The following RIN2 variants were observed in gnomAD, a reference collection of about 807,000 sequenced individuals.
The protein encoded by RIN2 is RAB5 interacting protein 2.
RIN2 carries 36 observed loss-of-function variants against 78.0 expected under a neutral mutation model. The observed-to-expected ratio is 0.46, with a 90% CI of 0.35 to 0.61. The LOEUF (loss-of-function observed/expected upper bound fraction) is 0.61. Ranked by LOEUF, RIN2 falls within the 20% of genes least tolerant of loss-of-function variation. The probability of loss-of-function intolerance (pLI) is 0.00; values close to 1 mark genes in which losing one functional copy is unlikely to be tolerated. For synonymous variants in RIN2, 466 were observed against 466.8 expected (o/e 1.00, Z 0.02); for missense variants, 1,087 against 1,159.7 (o/e 0.94, Z 0.91).
intron 4 of RIN2, among the ~76,000 whole-genome samples, chr20:19,953,977 T>C (rs1366748107): frequency 3.3e-5 from 5 of 152,214 alleles, no homozygotes; most frequent in Non-Finnish European, 5.9e-5. Flanking sequence ...CTTTCACATA[T>C]TTGAGAAGAA....
rs770981291 is a variant in RIN2, at chr20:19,888,419, G to A, written c.-36-1147G>A. 5.3e-5 allele frequency among the ~76,000 whole-genome samples: 8 copies of A among 152,082 alleles called. No individual in the cohort carries two copies. The East Asian group carries it at 1.3e-3, about 26-fold the overall frequency. On this transcript the variant is annotated intron_variant, in intron 2 of 12. Transcript: ENST00000255006. ...ACTTGTTGAAACGTCCCTAAATATC[G>A]CCCTCAATGTCCTGTTTGTGTCGCT...
chr20:19,788,434 A>AAAAAAAAAAAAAAACAAAAC (rs1482992020), intron 1 of RIN2, among the ~76,000 whole-genome samples: 2 of 137,488 alleles, frequency 1.5e-5, no homozygotes, highest in African/African-American at 5.9e-5. Flanking sequence ...GTCTCTGCCA[A>AAAAAAAAAAAAAAACAAAAC]AAAAAAAAAA....
At chr20:19,921,270 G>A (rs2039906732) in intron 3 of RIN2, among the ~76,000 whole-genome samples, 1 of 152,210 alleles carries the variant, frequency 6.6e-6, no homozygotes, top group Admixed American at 6.5e-5. Context: ...GCTGCCTCCT[G>A]GATGTGCAAG....
At chr20:19,992,387 T>A in intron 11 of RIN2, 88 bp downstream of exon 11, 2 of 1,291,942 alleles carry the variant, frequency 1.5e-6, no homozygotes, top group Non-Finnish European at 2.1e-6. Context: ...CACATAACAT[T>A]AATCATTTTA....
chr20:19,930,649 T>G (rs1424194065), intron 3 of RIN2, among the ~76,000 whole-genome samples: 1 of 152,160 alleles, frequency 6.6e-6, no homozygotes, highest in East Asian at 1.9e-4. Context: ...TCACAAGGCC[T>G]TCTGCTTCTG....
chr20:19,946,430 C>T (rs995639758), intron 4 of RIN2, among the ~76,000 whole-genome samples: 73 of 152,138 alleles, frequency 4.8e-4, no homozygotes, highest in African/African-American at 1.7e-3. Flanking sequence ...GGATGATCTT[C>T]CCAGGCCGGC....
chr20:19,957,978 A>G (rs1423104038), intron 5 of RIN2, among the ~76,000 whole-genome samples: 8 of 152,262 alleles, frequency 5.3e-5, no homozygotes, highest in Non-Finnish European at 1.5e-5. Flanking sequence ...CACGCAACAC[A>G]AGATAGAAAC....
At chr20:19,956,257 CAAAAAAA>C (rs11483774) in intron 4 of RIN2, among the ~76,000 whole-genome samples, 1 of 50,746 alleles carries the variant, frequency 2.0e-5, no homozygotes, top group Non-Finnish European at 4.0e-5. Flanking sequence ...GACTCCATCT[CAAAAAAA>C]AAAAAAAAAA....
rs1277298342 is a variant in RIN2 at position 19,863,341 on chromosome 20, C to G, written c.-36-26225C>G. On this transcript the variant is annotated intron_variant, in intron 2 of 12. Coordinates refer to ENST00000255006, the MANE Select transcript of RIN2 (RefSeq NM_018993.4). ...ACATGAAACCATGTATGTGCCTCACCCTTCTGCCCTGGGCCTTATCATTGC... is the reference window on the plus strand; with the variant it reads ...ACATGAAACCATGTATGTGCCTCACGCTTCTGCCCTGGGCCTTATCATTGC... 4.6e-5 allele frequency among the ~76,000 whole-genome samples: 7 copies of G among 152,142 alleles called. No homozygotes were observed. The East Asian group carries it at 1.3e-3, about 29-fold the overall frequency.
chr20:19,825,253 G>T (rs146719587), intron 2 of RIN2, among the ~76,000 whole-genome samples: 8 of 152,262 alleles, frequency 5.3e-5, no homozygotes, highest in Non-Finnish European at 1.2e-4. Flanking sequence ...TCTGCCTCTA[G>T]GAAATCTGAT....
At chr20:19,869,444 T>C (rs116425997) in intron 2 of RIN2, among the ~76,000 whole-genome samples, 92 of 152,310 alleles carry the variant, frequency 6.0e-4, no homozygotes, top group African/African-American at 2.0e-3. Flanking sequence ...GGGTTAGCAC[T>C]GACCCCAGGG....
intron 9 of RIN2, among the ~76,000 whole-genome samples, chr20:19,988,676 T>C (rs1205503141): frequency 6.6e-6 from 1 of 152,206 alleles, no homozygotes; most frequent in Admixed American, 6.5e-5. Context: ...GCTACTCCAC[T>C]GGGAAACCAT....
intron 3 of RIN2, among the ~76,000 whole-genome samples, chr20:19,920,824 C>T (rs2039885454): frequency 6.6e-6 from 1 of 152,164 alleles, no homozygotes; most frequent in Non-Finnish European, 1.5e-5. Context: ...TACAGGTGTG[C>T]ACCATGTCCA....
intron 2 of RIN2, among the ~76,000 whole-genome samples, chr20:19,846,158 G>C (rs1386282238): frequency 6.6e-6 from 1 of 152,172 alleles, no homozygotes; most frequent in Non-Finnish European, 1.5e-5. Flanking sequence ...AAGTCAGGTA[G>C]TGTGATGCCT....
intron 10 of RIN2, among the ~76,000 whole-genome samples, chr20:19,990,997 C>A (rs2042782178): frequency 6.6e-6 from 1 of 152,196 alleles, no homozygotes; most frequent in South Asian, 2.1e-4. Context: ...GCAGGGGTAA[C>A]CATGAATCCT....
chr20:19,758,910 G>A lies in RIN2; in HGVS notation c.-163+583G>A, dbSNP rs375967457. Among the ~76,000 whole-genome samples the A allele has an allele frequency of 2.6e-5, 4 of 152,356 alleles. No homozygotes were observed. In the South Asian group the frequency reaches 8.3e-4, roughly 32 times the overall value. On this transcript the variant is annotated intron_variant, in intron 1 of 12. Transcript: ENST00000255006. ...TCCTCCCCCGGGTGGAAAAGCAGGAGGGTTGTTGTGTCCGGGCAGGGGGCA... is the reference window on the plus strand; with the variant it reads ...TCCTCCCCCGGGTGGAAAAGCAGGAAGGTTGTTGTGTCCGGGCAGGGGGCA...
At chr20:19,908,726 G>A (rs1211648918) in intron 3 of RIN2, among the ~76,000 whole-genome samples, 2 of 152,198 alleles carry the variant, frequency 1.3e-5, no homozygotes, top group Non-Finnish European at 2.9e-5. Context: ...TTACTCACAG[G>A]CAGCAGAAGT....
intron 4 of RIN2, among the ~76,000 whole-genome samples, chr20:19,950,111 CA>C (rs2041253717): frequency 6.6e-6 from 1 of 152,148 alleles, no homozygotes; most frequent in Non-Finnish European, 1.5e-5. Flanking sequence ...CCTGCCCTTC[CA>C]AAGTGGATGG....
chr20:19,758,919 T>TGTCCG (rs1600378765), intron 1 of RIN2, among the ~76,000 whole-genome samples: 2 of 152,296 alleles, frequency 1.3e-5, no homozygotes, highest in East Asian at 3.9e-4. Context: ...AGGGTTGTTG[T>TGTCCG]GTCCGGGCAG....
Sources: allele counts gnomAD v4.1 joint callset (sites outside exome capture counted in the v4.1 genomes callset), GRCh38; gene constraint gnomAD v4.1.1; transcripts MANE v1.5; gene names NCBI Gene and HGNC (gene_info 2026-07-23, HGNC 2026-07-21).